Variants in PRKAB1 observed in about 807,000 individuals in gnomAD.
The protein encoded by PRKAB1 is 5'-AMP-activated protein kinase subunit beta-1.
In PRKAB1, 18 loss-of-function variants were observed where a neutral mutation model predicts 32.0. The ratio of observed to expected loss-of-function variants is 0.56; its 90% CI spans 0.39 to 0.83. The LOEUF (loss-of-function observed/expected upper bound fraction) is 0.83. PRKAB1 is among the 40% of genes least tolerant of loss of function. The pLI, the probability that PRKAB1 is intolerant of heterozygous loss-of-function variation, is 0.00. For synonymous variants in PRKAB1, 141 were observed against 141.4 expected, an observed-to-expected ratio of 1.00 and a Z score of 0.02; for missense variants, 263 against 352.6, an observed-to-expected ratio of 0.75 and a Z score of 2.03.
chr12:119,675,431 T>C (rs1369454334), intron 4 of PRKAB1, among the ~76,000 whole-genome samples: 2 of 152,228 alleles, frequency 1.3e-5, no homozygotes, highest in Non-Finnish European at 2.9e-5. Flanking sequence ...ATTAGTCTTT[T>C]AGAGATATCA....
rs1362546410 is a variant in PRKAB1, at chr12:119,681,618, A to G, written c.*1293A>G. Reference sequence around the variant, plus strand: ...AGTTTCAATAAAACTTTGTAAAAATAATTGGACATGTGCCTGGAGGAGCTC... The same window carrying G: ...AGTTTCAATAAAACTTTGTAAAAATGATTGGACATGTGCCTGGAGGAGCTC... On this transcript the variant is annotated 3_prime_UTR_variant, in exon 7 of 7. Coordinates refer to ENST00000229328, the MANE Select transcript of PRKAB1 (RefSeq NM_006253.5). 1 of 152,190 alleles carries G rather than the reference A, an allele frequency of 6.6e-6. No homozygotes were observed. Among genetic ancestry groups the G allele is most frequent in the African/African-American group, 2.4e-5 (1 of 41,444 alleles). The allele number at this position is 152,190 out of a possible 1,614,324, so 9.4% of individuals were successfully genotyped here.
In PRKAB1 at chr12:119,668,258, G is replaced by A; in HGVS notation, c.14G>A (p.Ser5Asn). 6.2e-7 allele frequency: 1 copy of A among 1,606,708 alleles called. No homozygotes were observed. Among genetic ancestry groups the A allele is most frequent in the Non-Finnish European group, 8.5e-7 (1 of 1,177,492 alleles). MGNT[S>N]SERAALERHG... ...CAGACCCCCATCATGGGCAATACCAGCAGTGAGCGCGCCGCGCTGGAGCGG... is the reference window on the plus strand; with the variant it reads ...CAGACCCCCATCATGGGCAATACCAACAGTGAGCGCGCCGCGCTGGAGCGG... The change falls in exon 1 of 7, where the codon AGC becomes AAC. Residue 5 changes from serine (S) to asparagine (N), a missense_variant. Physicochemically the swap from Ser to Asn is conservative, Grantham distance 46. Transcript: ENST00000229328.
In PRKAB1 at chr12:119,676,679, G is replaced by A; in HGVS notation, c.666+9G>A. 6.2e-7 allele frequency: 1 copy of A among 1,613,440 alleles called. No homozygotes were observed. ...AGGACACGGGGATTTCCGTAAGTATGTGGGCATCTGCCCGGACCATCCGCC... is the reference window on the plus strand; with the variant it reads ...AGGACACGGGGATTTCCGTAAGTATATGGGCATCTGCCCGGACCATCCGCC... On this transcript the variant is annotated intron_variant, in intron 5 of 6. Transcript: ENST00000229328.
rs532572076 is a variant in PRKAB1 at position 119,668,238 on chromosome 12, C to G, written c.-7C>G. ...CCGCCTTCCCTGTGTCCCCGCAGAC[C>G]CCCATCATGGGCAATACCAGCAGTG... On this transcript the variant is annotated 5_prime_UTR_variant, in exon 1 of 7. Coordinates refer to ENST00000229328, the MANE Select transcript of PRKAB1 (RefSeq NM_006253.5). 1 of 1,579,584 alleles carries G rather than the reference C, an allele frequency of 6.3e-7. No homozygotes were observed. The highest frequency in any genetic ancestry group is 2.3e-5 in the East Asian group (1 of 42,990).
intron 5 of PRKAB1, among the ~76,000 whole-genome samples, chr12:119,676,881 C>T (rs1230261601): frequency 6.6e-6 from 1 of 152,262 alleles, no homozygotes; most frequent in Non-Finnish European, 1.5e-5. Context: ...AGCCTTTCTG[C>T]ACTACTCTTC....
rs933712369 is a variant in PRKAB1, at chr12:119,676,042, C to G, written c.533-495C>G. Reference sequence around the variant, plus strand: ...ATATTGGGCTTTCAATTTTCCCCCCCATTTTGAAATGTGCCTCGTTTAGCC... The same window carrying G: ...ATATTGGGCTTTCAATTTTCCCCCCGATTTTGAAATGTGCCTCGTTTAGCC... On this transcript the variant is annotated intron_variant, in intron 4 of 6. Coordinates refer to ENST00000229328, the MANE Select transcript of PRKAB1 (RefSeq NM_006253.5). Among the ~76,000 whole-genome samples the G allele has an allele frequency of 2.0e-5, 3 of 152,194 alleles. No homozygotes were observed. In the East Asian group the frequency reaches 5.8e-4, roughly 29 times the overall value.
In PRKAB1 at chr12:119,672,441, G is replaced by A. The variant is rs767055560; in HGVS notation, c.300G>A (p.Trp100Ter). The change falls in exon 2 of 7, where the codon TGG (tryptophan) becomes TGA (stop). Residue 100 changes from tryptophan to a stop codon, truncating the protein, a stop_gained. Coordinates refer to ENST00000229328, the MANE Select transcript of PRKAB1 (RefSeq NM_006253.5). LOFTEE classifies it high-confidence loss of function. ...ACTTATCTGGGTCCTTCAACAACTG[G>A]AGTAAACTTCCCCTCACCAGAAGGT... ...EVYLSGSFNN[W>*]SKLPLTRSHN... 2 of 1,593,046 alleles carry A rather than the reference G, an allele frequency of 1.3e-6. No homozygotes were observed. Among genetic ancestry groups the A allele is most frequent in the Admixed American group, 1.7e-5 (1 of 57,294 alleles).
In PRKAB1 at chr12:119,670,616, G is replaced by A. The variant is rs147525860; in HGVS notation, c.160-1685G>A. ...AAAGGAATCAAAACTACTTTCTTCA[G>A]AAGTATTTGTTCTGTTACTATTCCA... On this transcript the variant is annotated intron_variant, in intron 1 of 6. Coordinates refer to ENST00000229328, the MANE Select transcript of PRKAB1 (RefSeq NM_006253.5). Among the ~76,000 whole-genome samples the A allele has an allele frequency of 3.2e-3, 482 of 152,288 alleles. 2 individuals are homozygous for A. Among genetic ancestry groups the A allele is most frequent in the African/African-American group, 0.011 (454 of 41,558 alleles).
chr12:119,671,452 C>T (rs757693306), intron 1 of PRKAB1: 4 of 405,796 alleles, frequency 9.9e-6, no homozygotes, highest in South Asian at 7.3e-5. Flanking sequence ...GCTGGGGAGG[C>T]CTTAGGAAAC....
Position 119,672,285 on chromosome 12 carries a change from A to G in PRKAB1, c.160-16A>G. The G allele has an allele frequency of 6.3e-7, 1 of 1,590,202 alleles. No individual in the cohort carries two copies. Among genetic ancestry groups the G allele is most frequent in the Non-Finnish European group, 8.6e-7 (1 of 1,168,304 alleles). ...AGCTCGCTTATGGCTTTCTGAGTAA[A>G]CTGCTCTGCTTCTAGGCACCAGAGA... On this transcript the variant is annotated splice_polypyrimidine_tract_variant and intron_variant, in intron 1 of 6. Transcript: ENST00000229328.
At chr12:119,672,122 C>A in intron 1 of PRKAB1, 179 bp from the exon 2 acceptor site, 1 of 585,076 alleles carries the variant, frequency 1.7e-6, no homozygotes, top group Non-Finnish European at 2.9e-6. Flanking sequence ...TCTCAGTCTT[C>A]ACAACCTTAA....
chr12:119,668,147 G>C lies in PRKAB1; in HGVS notation c.-98G>C. 2 of 1,343,622 alleles carry C rather than the reference G, an allele frequency of 1.5e-6. No individual in the cohort carries two copies. The highest frequency in any genetic ancestry group is 1.9e-6 in the Non-Finnish European group (2 of 1,034,134). The allele number at this position is 1,343,622 out of a possible 1,614,324, so 83.2% of individuals were successfully genotyped here. A position where few individuals can be genotyped will look rare whatever the true frequency, so the allele number is the denominator to read the frequency against. Reference sequence around the variant, plus strand: ...CCTGGTGCTCCGACTCCTTCCGCAGGCTCCTTGGGACCCGCGGTTCCGGGA... The same window carrying C: ...CCTGGTGCTCCGACTCCTTCCGCAGCCTCCTTGGGACCCGCGGTTCCGGGA... On this transcript the variant is annotated 5_prime_UTR_variant, in exon 1 of 7. Coordinates refer to ENST00000229328, the MANE Select transcript of PRKAB1 (RefSeq NM_006253.5).
chr12:119,679,761 G>A lies in PRKAB1; in HGVS notation c.667-172G>A, dbSNP rs1187937251. 1.2e-5 allele frequency: 8 copies of A among 658,320 alleles called. No individual in the cohort carries two copies. Among genetic ancestry groups the A allele is most frequent in the East Asian group, 5.7e-5 (2 of 34,788 alleles). The allele number at this position is 658,320 out of a possible 1,614,324, so 40.8% of individuals were successfully genotyped here. On this transcript the variant is annotated intron_variant, in intron 5 of 6. Coordinates refer to ENST00000229328, the MANE Select transcript of PRKAB1 (RefSeq NM_006253.5). The surrounding 1 kb of genome is among the most constrained non-coding windows in gnomAD (Gnocchi z 4.1). ...GGGAGCTCCCTTCAGGTCAGAAGGC[G>A]TGACCTTCATCTCACCTGTCGTCTT...
At chr12:119,669,342 A>G (rs968923709) in intron 1 of PRKAB1, 2 of 144,854 alleles carry the variant, frequency 1.4e-5, no homozygotes, top group African/African-American at 2.6e-5. Flanking sequence ...ATCTCGGCTC[A>G]CTGCAAGCTC....
chr12:119,680,779 C>G lies in PRKAB1; in HGVS notation c.*454C>G, dbSNP rs1042841176. On this transcript the variant is annotated 3_prime_UTR_variant, in exon 7 of 7. Coordinates refer to ENST00000229328, the MANE Select transcript of PRKAB1 (RefSeq NM_006253.5). The stretch of plus-strand genomic sequence containing the variant: ...GGCCAGCCACTTGTCCCTGTTGAGG[C>G]CTGGCTATGGAACTAAATACAGTGT... 1 of 168,582 alleles carries G rather than the reference C, an allele frequency of 5.9e-6. No homozygotes were observed. Among genetic ancestry groups the G allele is most frequent in the Non-Finnish European group, 1.3e-5 (1 of 77,696 alleles). 10.4% of individuals were successfully genotyped at this position (168,582 alleles called of 1,614,324 possible). A position where few individuals can be genotyped will look rare whatever the true frequency, so the allele number is the denominator to read the frequency against.
chr12:119,677,133 G>C (rs1348129652), intron 5 of PRKAB1, among the ~76,000 whole-genome samples: 1 of 152,190 alleles, frequency 6.6e-6, no homozygotes, highest in Middle Eastern at 3.2e-3. Flanking sequence ...TGTCCTCCTG[G>C]ATCTTGAAGA....
Position 119,673,249 on chromosome 12 carries a change from C to T in PRKAB1, c.324-715C>T, listed in dbSNP as rs140466811. Among the ~76,000 whole-genome samples the T allele has an allele frequency of 2.6e-4, 39 of 152,320 alleles. No homozygotes were observed. The East Asian group carries it at 6.4e-3, about 25-fold the overall frequency. On this transcript the variant is annotated intron_variant, in intron 2 of 6. Transcript: ENST00000229328. The stretch of plus-strand genomic sequence containing the variant: ...TGTCTCCAAAAAGAAAAGAAAAATA[C>T]ATGCTATGTAGGTGTCATTAGCAAG...
intron 2 of PRKAB1, 195 bp from the exon 3 acceptor site, chr12:119,673,769 G>A (rs536760216): frequency 6.6e-5 from 31 of 470,502 alleles, no homozygotes; most frequent in Admixed American, 6.4e-4. Context: ...AAACTGTGTC[G>A]CACTGCTGCT....
In PRKAB1 at chr12:119,681,410, C is replaced by G. The variant is rs1162532565; in HGVS notation, c.*1085C>G. 1 of 152,344 alleles carries G rather than the reference C, an allele frequency of 6.6e-6. No individual in the cohort carries two copies. Among genetic ancestry groups the G allele is most frequent in the Non-Finnish European group, 1.5e-5 (1 of 68,044 alleles). The allele number at this position is 152,344 out of a possible 1,614,324, so 9.4% of individuals were successfully genotyped here. On this transcript the variant is annotated 3_prime_UTR_variant, in exon 7 of 7. Transcript: ENST00000229328. ...CAGCTCAGTTTCCCGGGAGTCGCCA[C>G]AGATGTACCCACTAGCCCAGGTTGC...
Sources: allele counts gnomAD v4.1 joint callset (sites outside exome capture counted in the v4.1 genomes callset), GRCh38; gene constraint gnomAD v4.1.1; non-coding constraint Gnocchi (gnomAD v3.1); transcripts MANE v1.5; gene names NCBI Gene and HGNC (gene_info 2026-07-23, HGNC 2026-07-21).